ZNF425: variants seen among roughly 807,000 people sequenced by gnomAD.
ZNF425 encodes the protein zinc finger protein 425.
In ZNF425, 21 loss-of-function variants were observed where a neutral mutation model predicts 17.0. The observed-to-expected ratio is 1.23, with a 90% CI of 0.88 to 1.78. The LOEUF (loss-of-function observed/expected upper bound fraction) is 1.78. Ranked by LOEUF, ZNF425 falls within the 40% of genes most tolerant of loss-of-function variation. The pLI is 0.00. For missense variants in ZNF425, 868 were observed against 967.3 expected (o/e 0.90, Z 1.36); for synonymous variants, 433 against 384.1 (o/e 1.13, Z -1.49).
chr7:149,125,964 A>C (rs1826459968), intron 1 of ZNF425: 1 of 827,424 alleles, frequency 1.2e-6, no homozygotes, highest in Admixed American at 2.5e-5. Context: ...CCGGGGCCAC[A>C]GACGCGCGCG....
rs746336313 is a variant in ZNF425, at chr7:149,104,671, C to G, written c.1200G>C (p.Lys400Asn). The G allele has an allele frequency of 6.2e-7, 1 of 1,614,124 alleles. No homozygotes were observed. Among genetic ancestry groups the G allele is most frequent in the Admixed American group, 1.7e-5 (1 of 60,014 alleles). ...ECGRKFIYKI[K>N]LDEHIRVHTG... ...TGTGAACTCTGATGTGCTCGTCCAG[C>G]TTAATCTTGTAGATGAATTTCCTGC... Residue 400 changes from lysine to asparagine, a missense_variant, in exon 4 of 4, where the codon AAG becomes AAC. By Grantham distance (94) the Lys-to-Asn change is moderately conservative (BLOSUM62 0). Coordinates refer to ENST00000378061, the MANE Select transcript of ZNF425 (RefSeq NM_001001661.3). This position sits in a 1 kb window ranked among gnomAD's most constrained non-coding sequence, Gnocchi z 4.3.
At chr7:149,109,636 C>T (rs1466318734) in intron 3 of ZNF425, among the ~76,000 whole-genome samples, 1 of 152,082 alleles carries the variant, frequency 6.6e-6, no homozygotes, top group East Asian at 1.9e-4. Flanking sequence ...TTGACTAATT[C>T]AACTATGTAT....
At chr7:149,122,659 G>C (rs1034017427) in intron 1 of ZNF425, among the ~76,000 whole-genome samples, 7 of 152,076 alleles carry the variant, frequency 4.6e-5, no homozygotes, top group Admixed American at 1.3e-4. Context: ...TACAGGTTTT[G>C]TAGCTGTGTT....
At chr7:149,120,558 A>G (rs1826333476) in intron 1 of ZNF425, among the ~76,000 whole-genome samples, 2 of 152,212 alleles carry the variant, frequency 1.3e-5, no homozygotes, top group African/African-American at 4.8e-5. Flanking sequence ...CAGTGGTCCT[A>G]TAAGATTATA....
intron 1 of ZNF425, among the ~76,000 whole-genome samples, chr7:149,119,763 T>TA (rs764640455): frequency 1.4e-4 from 21 of 152,030 alleles, no homozygotes; most frequent in Non-Finnish European, 2.6e-4. Context: ...AAAAATAAAA[T>TA]AAAGTAAAAT....
At chr7:149,118,426 A>C in intron 1 of ZNF425, 78 bp from the exon 2 acceptor site, 1 of 1,505,824 alleles carries the variant, frequency 6.6e-7, no homozygotes, top group South Asian at 1.2e-5. Context: ...CTTTATTGAG[A>C]TACAGAAAGA....
Position 149,107,877 on chromosome 7 carries a change from T to TTTATTTAC in ZNF425, c.305-2312_305-2311insGTAAATAA, listed in dbSNP as rs1163943811. The stretch of plus-strand genomic sequence containing the variant: ...ATTTATTTATTTATTTATTTATTTA[T>TTTATTTAC]TTTTGAGCTAGGTCTCACTATGTTG... On this transcript the variant is annotated intron_variant, in intron 3 of 3. Transcript: ENST00000378061. Among the ~76,000 whole-genome samples the TTTATTTAC allele has an allele frequency of 2.1e-4, 31 of 151,150 alleles. 1 individual carries two copies. The Admixed American group carries it at 2.1e-3, about 10-fold the overall frequency.
Position 149,105,164 on chromosome 7 carries a change from G to A in ZNF425, c.707C>T (p.Thr236Met), listed in dbSNP as rs749709957. ...SSRGKSELRRTQRLLCQKKRF... is the reference protein window; with the variant it reads ...SSRGKSELRRMQRLLCQKKRF... ...CTTCTTCTGACACAGGAGCCTCTGC[G>A]TCCGCCTGAGTTCGGACTTCCCTCT... Residue 236 changes from threonine (T) to methionine (M), a missense_variant, in exon 4 of 4, where the codon ACG (threonine) becomes ATG (methionine). Physicochemically the swap from Thr to Met is moderately conservative, Grantham distance 81 (BLOSUM62 -1). Coordinates refer to ENST00000378061, the MANE Select transcript of ZNF425 (RefSeq NM_001001661.3). The A allele has an allele frequency of 1.1e-5, 17 of 1,614,196 alleles. No homozygotes were observed. Among genetic ancestry groups the A allele is most frequent in the Non-Finnish European group, 1.4e-5 (17 of 1,180,034 alleles).
At chr7:149,105,817 A>AT (rs760636745) in intron 3 of ZNF425, among the ~76,000 whole-genome samples, 1 of 150,168 alleles carries the variant, frequency 6.7e-6, no homozygotes, top group Non-Finnish European at 1.5e-5. Context: ...CGCCCGGCTA[A>AT]TTTTTTGTAT....
intron 3 of ZNF425, among the ~76,000 whole-genome samples, chr7:149,108,554 T>A (rs1385636349): frequency 1.3e-5 from 2 of 152,200 alleles, no homozygotes; most frequent in Non-Finnish European, 2.9e-5. Context: ...GAACAACATT[T>A]ATTTTTAGGG....
chr7:149,115,743 A>G (rs1010639893), intron 2 of ZNF425, among the ~76,000 whole-genome samples: 4 of 151,580 alleles, frequency 2.6e-5, no homozygotes, highest in Admixed American at 2.6e-4. Context: ...TCTTCAGAGT[A>G]GGCAGCAGGA....
At chr7:149,125,863 G>C (rs1826456899) in intron 1 of ZNF425, 1 of 488,910 alleles carries the variant, frequency 2.0e-6, no homozygotes, top group South Asian at 2.1e-5. Context: ...CACAGATGCA[G>C]AACTCAGAGG....
intron 3 of ZNF425, among the ~76,000 whole-genome samples, chr7:149,107,358 G>C (rs1826098586): frequency 7.2e-6 from 1 of 139,726 alleles, no homozygotes. Flanking sequence ...TTTTTTCTGA[G>C]ACAGAGTCTA....
At position 149,111,959 on chromosome 7, in the gene ZNF425, G is replaced by A. The variant is rs1826184270; in HGVS notation, c.304+178C>T. ...AGCCTCCTAAAGTGCTGAGATTACA[G>A]GCATGAGCCACCACGCCCAGCCCAC... On this transcript the variant is annotated intron_variant, in intron 3 of 3. Coordinates refer to ENST00000378061, the MANE Select transcript of ZNF425 (RefSeq NM_001001661.3). 4 of 541,636 alleles carry A rather than the reference G, an allele frequency of 7.4e-6. No individual in the cohort carries two copies. In the South Asian group the frequency reaches 8.9e-5, roughly 12 times the overall value. The allele number at this position is 541,636 out of a possible 1,614,324, so 33.6% of individuals were successfully genotyped here.
intron 1 of ZNF425, chr7:149,118,674 G>A: frequency 2.4e-6 from 1 of 412,848 alleles, no homozygotes; most frequent in Non-Finnish European, 4.8e-6. Flanking sequence ...AATTAGCTGG[G>A]CGTGATGGCA....
intron 1 of ZNF425, among the ~76,000 whole-genome samples, chr7:149,122,284 C>CTTT (rs1183706614): frequency 1.3e-4 from 19 of 145,578 alleles, no homozygotes; most frequent in African/African-American, 4.3e-4. Context: ...AAGGAAGATT[C>CTTT]TTTTTTTTTT....
Position 149,104,768 on chromosome 7 carries a change from G to A in ZNF425, c.1103C>T (p.Ser368Phe). 1 of 1,613,098 alleles carries A rather than the reference G, an allele frequency of 6.2e-7. No homozygotes were observed. Among genetic ancestry groups the A allele is most frequent in the Non-Finnish European group, 8.5e-7 (1 of 1,179,804 alleles). ...FHCPECGRSFSRKAALKTHQR... is the reference protein window; with the variant it reads ...FHCPECGRSFFRKAALKTHQR... ...GTGGGTCTTCAGGGCAGCCTTCCGG[G>A]AGAAGCTCCGGCCACACTCGGGACA... The change falls in exon 4 of 4, where the codon TCC (serine) becomes TTC (phenylalanine). Residue 368 changes from serine to phenylalanine, a missense_variant. Transcript: ENST00000378061. The surrounding 1 kb of genome is among the most constrained non-coding windows in gnomAD (Gnocchi z 4.3).
chr7:149,124,401 C>G (rs550482903), intron 1 of ZNF425, among the ~76,000 whole-genome samples: 9 of 152,278 alleles, frequency 5.9e-5, no homozygotes, highest in African/African-American at 1.9e-4. Flanking sequence ...ATGATCCGCC[C>G]GTCTTGGCCA....
rs111345892 is a variant in ZNF425, at chr7:149,112,853, T to C, written c.146-558A>G. ...TGCTAATTTTGTATTTTTATAGAGA[T>C]AGCGTTTTGCCACGTTGCCCAGGCT... On this transcript the variant is annotated intron_variant, in intron 2 of 3. Transcript: ENST00000378061. Among the ~76,000 whole-genome samples, 320 of 151,226 alleles carry C rather than the reference T, an allele frequency of 2.1e-3. 1 individual carries two copies. The highest frequency in any genetic ancestry group is 6.9e-3 in the African/African-American group (284 of 41,222).
Sources: allele counts gnomAD v4.1 joint callset (sites outside exome capture counted in the v4.1 genomes callset), GRCh38; gene constraint gnomAD v4.1.1; non-coding constraint Gnocchi (gnomAD v3.1); transcripts MANE v1.5; gene names NCBI Gene and HGNC (gene_info 2026-07-23, HGNC 2026-07-21).